CYP20A1: variants seen among roughly 807,000 people sequenced by gnomAD.
CYP20A1 encodes the protein cytochrome P450 family 20 subfamily A member 1.
In CYP20A1, 61 loss-of-function variants were observed where a neutral mutation model predicts 61.4. That is an observed-to-expected ratio of 0.99 (90% confidence interval 0.81 to 1.23). The LOEUF (loss-of-function observed/expected upper bound fraction) is 1.23, where lower values mean the gene tolerates loss of function less well. CYP20A1 is among the 50% of genes most tolerant of loss of function. The probability of loss-of-function intolerance (pLI) is 0.00; values close to 1 mark genes in which losing one functional copy is unlikely to be tolerated. For missense variants in CYP20A1, 530 were observed against 542.4 expected, an observed-to-expected ratio of 0.98 and a Z score of 0.23; for synonymous variants, 193 against 188.2, an observed-to-expected ratio of 1.03 and a Z score of -0.21.
intron 5 of CYP20A1, among the ~76,000 whole-genome samples, chr2:203,271,052 G>GTATATATATATATATATATATATA (rs1352823025): frequency 8.7e-5 from 4 of 45,746 alleles, no homozygotes; most frequent in African/African-American, 2.1e-4. Context: ...ATATGTATAT[G>GTATATATATATATATATATATATA]TGTATATATA....
At position 203,300,891 on chromosome 2, in the gene CYP20A1, G is replaced by GA. The variant is rs1163039964; in HGVS notation, c.*4005dup. On this transcript the variant is annotated 3_prime_UTR_variant, in exon 13 of 13. Coordinates refer to ENST00000356079, the MANE Select transcript of CYP20A1 (RefSeq NM_177538.3). Reference sequence around the variant, plus strand: ...GCAATAAGAGCAAAACTCCGTCTCAGAAAAAAAAAAAAAAAAAAAAAACGG... The same window carrying GA: ...GCAATAAGAGCAAAACTCCGTCTCAGAAAAAAAAAAAAAAAAAAAAAAACGG... Among the ~76,000 whole-genome samples the GA allele has an allele frequency of 0.045, 1,653 of 36,912 alleles. 38 individuals carry two copies. Among genetic ancestry groups the GA allele is most frequent in the African/African-American group, 0.065 (833 of 12,860 alleles). 24.2% of individuals were successfully genotyped at this position (36,912 alleles called of 152,430 possible).
At chr2:203,252,629 A>T (rs1300448685) in intron 4 of CYP20A1, among the ~76,000 whole-genome samples, 1 of 152,076 alleles carries the variant, frequency 6.6e-6, no homozygotes, top group Non-Finnish European at 1.5e-5. Flanking sequence ...TCCTGACCTC[A>T]AGTGGTCTAC....
intron 4 of CYP20A1, among the ~76,000 whole-genome samples, chr2:203,261,567 C>T (rs1253478416): frequency 2.5e-5 from 3 of 119,786 alleles, no homozygotes; most frequent in Non-Finnish European, 3.4e-5. Context: ...ATGATCACTG[C>T]GCACTGCATC....
At chr2:203,272,570 AAGAGTT>A in intron 5 of CYP20A1, 94 bp from the exon 6 acceptor site, 12 of 538,358 alleles carry the variant, frequency 2.2e-5, no homozygotes, top group African/African-American at 4.1e-5. Context: ...AAAAAAAAAA[AAGAGTT>A]AAAGAGTTCC....
At position 203,298,838 on chromosome 2, in the gene CYP20A1, A is replaced by C. The variant is rs1468025549; in HGVS notation, c.*1930A>C. 1.3e-5 allele frequency among the ~76,000 whole-genome samples: 2 copies of C among 152,124 alleles called. No individual in the cohort carries two copies. Among genetic ancestry groups the C allele is most frequent in the African/African-American group, 2.4e-5 (1 of 41,422 alleles). The stretch of plus-strand genomic sequence containing the variant: ...TCACGAGGTCAAGAGATTTGAGACC[A>C]TCCTGGCCAACATGGTGAAACCCCA... On this transcript the variant is annotated 3_prime_UTR_variant, in exon 13 of 13. Transcript: ENST00000356079.
chr2:203,280,196 C>G (rs567203187), intron 8 of CYP20A1, 83 bp downstream of exon 8: 6 of 1,065,820 alleles, frequency 5.6e-6, no homozygotes, highest in African/African-American at 1.6e-5. Flanking sequence ...AATCCCAACA[C>G]TTGGGGAGGC....
At chr2:203,257,979 G>T (rs2066972764) in intron 4 of CYP20A1, among the ~76,000 whole-genome samples, 7 of 152,182 alleles carry the variant, frequency 4.6e-5, no homozygotes, top group Non-Finnish European at 5.9e-5. Context: ...ATAGCTCACT[G>T]GAGCATCGAA....
At chr2:203,239,540 C>T (rs1026599658) in intron 1 of CYP20A1, among the ~76,000 whole-genome samples, 3 of 152,190 alleles carry the variant, frequency 2.0e-5, no homozygotes, top group African/African-American at 7.2e-5. Context: ...CCTGGGCGCG[C>T]CACTCCTTTC....
chr2:203,257,657 C>T (rs1176698277), intron 4 of CYP20A1, among the ~76,000 whole-genome samples: 1 of 151,604 alleles, frequency 6.6e-6, no homozygotes, highest in Non-Finnish European at 1.5e-5. Flanking sequence ...GGCGTGGTGG[C>T]AGGCGCCTGT....
intron 4 of CYP20A1, among the ~76,000 whole-genome samples, chr2:203,252,955 G>T (rs1391634897): frequency 6.6e-6 from 1 of 152,020 alleles, no homozygotes; most frequent in Non-Finnish European, 1.5e-5. Flanking sequence ...CCCAGTTGGG[G>T]TGGCGAGCCA....
chr2:203,249,928 CCTCA>C (rs1325431862), intron 3 of CYP20A1, among the ~76,000 whole-genome samples: 1 of 152,068 alleles, frequency 6.6e-6, no homozygotes, highest in East Asian at 1.9e-4. Flanking sequence ...AAGATTTCAG[CCTCA>C]CTAATACTCA....
chr2:203,277,711 T>C (rs930927094), intron 6 of CYP20A1, among the ~76,000 whole-genome samples: 1 of 151,944 alleles, frequency 6.6e-6, no homozygotes, highest in Non-Finnish European at 1.5e-5. Flanking sequence ...AGATGGGGTT[T>C]TGCCATCTTG....
In CYP20A1 at chr2:203,293,214, C is replaced by CTTTTTTTTTTTTTTTTTTTTTTT. The variant is rs575058733; in HGVS notation, c.1148+889_1148+890insTTTTTTTTTTTTTTTTTTTTTTT. Among the ~76,000 whole-genome samples, 4 of 128,910 alleles carry CTTTTTTTTTTTTTTTTTTTTTTT rather than the reference C, an allele frequency of 3.1e-5. 2 individuals carry two copies. Among genetic ancestry groups the CTTTTTTTTTTTTTTTTTTTTTTT allele is most frequent in the Non-Finnish European group, 6.4e-5 (4 of 62,470 alleles). The allele number at this position is 128,910 out of a possible 152,430, so 84.6% of individuals were successfully genotyped here. A position where few individuals can be genotyped will look rare whatever the true frequency, so the allele number is the denominator to read the frequency against. On this transcript the variant is annotated intron_variant, in intron 11 of 12. Coordinates refer to ENST00000356079, the MANE Select transcript of CYP20A1 (RefSeq NM_177538.3). ...ATTTTTAAAAAAGCAGAATTTCTCT[C>CTTTTTTTTTTTTTTTTTTTTTTT]TCTTTTTTTTTTTTTTTTTGAGATG...
At position 203,304,884 on chromosome 2, in the gene CYP20A1, CATGA is replaced by C. The variant is rs2069159027; in HGVS notation, c.*7977_*7980del. ...CCAGGAGGTAGAGGTTGCAGTGAGC[CATGA>C]TCATGCCACTGCACTCCAGCCTAGG... On this transcript the variant is annotated 3_prime_UTR_variant, in exon 13 of 13. Coordinates refer to ENST00000356079, the MANE Select transcript of CYP20A1 (RefSeq NM_177538.3). 6.6e-6 allele frequency among the ~76,000 whole-genome samples: 1 copy of C among 152,134 alleles called. No individual in the cohort carries two copies. The highest frequency in any genetic ancestry group is 6.5e-5 in the Admixed American group (1 of 15,270).
chr2:203,247,347 C>G (rs1041014184), intron 3 of CYP20A1, among the ~76,000 whole-genome samples: 3 of 152,046 alleles, frequency 2.0e-5, no homozygotes, highest in African/African-American at 7.2e-5. Flanking sequence ...TTATTGAATG[C>G]TTTGTACTAT....
chr2:203,239,795 G>A (rs1212031589), intron 1 of CYP20A1, among the ~76,000 whole-genome samples: 3 of 152,156 alleles, frequency 2.0e-5, no homozygotes, highest in African/African-American at 7.2e-5. Flanking sequence ...AGAGAGGGAG[G>A]GTCTGAAAAC....
At chr2:203,240,865 G>T (rs1302703300) in intron 1 of CYP20A1, among the ~76,000 whole-genome samples, 1 of 152,206 alleles carries the variant, frequency 6.6e-6, no homozygotes, top group Non-Finnish European at 1.5e-5. Context: ...TTCAGCAGAT[G>T]AATGCCATTT....
chr2:203,278,131 C>G (rs1029699870), intron 6 of CYP20A1, among the ~76,000 whole-genome samples: 2 of 152,042 alleles, frequency 1.3e-5, no homozygotes, highest in Non-Finnish European at 2.9e-5. Context: ...CAAAAATTAG[C>G]TGGGCGTGGT....
intron 3 of CYP20A1, among the ~76,000 whole-genome samples, chr2:203,250,273 A>T (rs1362339997): frequency 6.6e-6 from 1 of 152,240 alleles, no homozygotes; most frequent in East Asian, 1.9e-4. Context: ...TCAGATACTT[A>T]TATAGCAATT....
Sources: gnomAD v4.1 joint callset for allele counts (sites outside exome capture counted in the v4.1 genomes callset) on GRCh38, gnomAD v4.1.1 for gene constraint, MANE v1.5 for transcripts, NCBI Gene and HGNC (gene_info 2026-07-23, HGNC 2026-07-21) for gene names.